ARPC2: variants seen among roughly 807,000 people sequenced by gnomAD.
ARPC2 encodes the protein actin-related protein 2/3 complex subunit 2.
A neutral mutation model predicts 38.6 loss-of-function variants in ARPC2; 4 were observed. That is an observed-to-expected ratio of 0.10 (90% CI 0.05 to 0.24). ARPC2 has a LOEUF of 0.24. ARPC2 is among the 10% of genes least tolerant of loss of function. The pLI, the probability that ARPC2 is intolerant of heterozygous loss-of-function variation, is 1.00. For missense variants in ARPC2, 229 were observed against 387.3 expected, an observed-to-expected ratio of 0.59 and a Z score of 3.43; for synonymous variants, 125 against 140.8, an observed-to-expected ratio of 0.89 and a Z score of 0.79.
chr2:218,240,937 T>G (rs942505867), intron 7 of ARPC2, among the ~76,000 whole-genome samples: 7 of 152,038 alleles, frequency 4.6e-5, no homozygotes, highest in African/African-American at 1.7e-4. Context: ...ATTTTGTAAT[T>G]GGATTTTTGG....
chr2:218,230,095 T>G (rs1035901450), intron 4 of ARPC2, among the ~76,000 whole-genome samples: 4 of 151,738 alleles, frequency 2.6e-5, no homozygotes, highest in African/African-American at 4.8e-5. Flanking sequence ...CTCAGCCTCC[T>G]GAGTAGCTGG....
At chr2:218,218,106 C>T (rs1689298521) in intron 2 of ARPC2, among the ~76,000 whole-genome samples, 1 of 152,194 alleles carries the variant, frequency 6.6e-6, no homozygotes, top group South Asian at 2.1e-4. Context: ...TCTCTGGTTT[C>T]CCTTCCCCGA....
intron 5 of ARPC2, among the ~76,000 whole-genome samples, chr2:218,237,387 C>T (rs1272295490): frequency 2.0e-5 from 3 of 151,668 alleles, no homozygotes; most frequent in Non-Finnish European, 4.4e-5. Flanking sequence ...TTATTAGAGA[C>T]GGGGTTTTGC....
chr2:218,240,750 G>A (rs571867950), intron 7 of ARPC2, among the ~76,000 whole-genome samples: 6 of 152,086 alleles, frequency 3.9e-5, no homozygotes, highest in Non-Finnish European at 7.4e-5. Flanking sequence ...AAAATTAGCC[G>A]GGTGTGGTGG....
At chr2:218,235,157 T>C (rs1574584302) in intron 5 of ARPC2, 2 of 275,310 alleles carry the variant, frequency 7.3e-6, no homozygotes, top group East Asian at 1.1e-4. Flanking sequence ...CAGCAGTTAC[T>C]TGTGCTAGCT....
At chr2:218,229,266 A>T (rs1689576421) in intron 4 of ARPC2, 1 of 153,180 alleles carries the variant, frequency 6.5e-6, no homozygotes, top group African/African-American at 2.4e-5. Flanking sequence ...TTTTAATTAA[A>T]GCTCTTTAAA....
At chr2:218,253,561 C>G (rs979235561) in intron 10 of ARPC2, among the ~76,000 whole-genome samples, 1 of 152,174 alleles carries the variant, frequency 6.6e-6, no homozygotes, top group Non-Finnish European at 1.5e-5. Context: ...CGGTTTGAGC[C>G]TAGTCGGAAA....
chr2:218,224,761 G>A (rs1689459020), intron 2 of ARPC2, among the ~76,000 whole-genome samples: 1 of 152,184 alleles, frequency 6.6e-6, no homozygotes, highest in Admixed American at 6.5e-5. Flanking sequence ...TTTTTCAGCA[G>A]GGCTAGCATG....
intron 7 of ARPC2, among the ~76,000 whole-genome samples, chr2:218,240,060 T>C (rs543512006): frequency 1.6e-4 from 25 of 151,892 alleles, no homozygotes; most frequent in Non-Finnish European, 3.2e-4. Flanking sequence ...GTTCAAGCAA[T>C]TTTCCTGCCT....
chr2:218,217,264 G>GTGGC lies in ARPC2; in HGVS notation c.-9+13_-9+14insCTGG, dbSNP rs1689267639. On this transcript the variant is annotated intron_variant, in intron 1 of 10. Transcript: ENST00000315717. ...AGGCTTCGGGGGCCAGGTCGGTTGG[G>GTGGC]TGGGTGGGTGTCTCCACAGTCTGCG... The GTGGC allele has an allele frequency of 5.5e-6, 3 of 549,188 alleles. No homozygotes were observed. Among genetic ancestry groups the GTGGC allele is most frequent in the Non-Finnish European group, 9.6e-6 (3 of 311,462 alleles). The allele number at this position is 549,188 out of a possible 1,614,324, so 34.0% of individuals were successfully genotyped here.
intron 7 of ARPC2, among the ~76,000 whole-genome samples, chr2:218,241,588 TA>T (rs1422222430): frequency 3.9e-5 from 6 of 152,254 alleles, no homozygotes; most frequent in Non-Finnish European, 7.3e-5. Flanking sequence ...TTACCAATCT[TA>T]TTCCATTTTA....
chr2:218,241,015 T>C (rs1689900559), intron 7 of ARPC2, among the ~76,000 whole-genome samples: 1 of 152,204 alleles, frequency 6.6e-6, no homozygotes, highest in African/African-American at 2.4e-5. Flanking sequence ...AGGATGGACA[T>C]GAGAGTTCAT....
At chr2:218,237,671 A>G (rs752887388) in intron 5 of ARPC2, among the ~76,000 whole-genome samples, 8 of 151,826 alleles carry the variant, frequency 5.3e-5, no homozygotes, top group Non-Finnish European at 1.0e-4. Flanking sequence ...GGTTCAAGCA[A>G]TTCTCCTGCC....
chr2:218,235,121 AGAAG>A, intron 5 of ARPC2: 1 of 302,728 alleles, frequency 3.3e-6, no homozygotes, highest in Non-Finnish European at 6.5e-6. Context: ...AAGTCTTCTA[AGAAG>A]GAAGTTCTCT....
At chr2:218,237,047 G>A (rs1431878394) in intron 5 of ARPC2, among the ~76,000 whole-genome samples, 1 of 152,132 alleles carries the variant, frequency 6.6e-6, no homozygotes, top group Non-Finnish European at 1.5e-5. Flanking sequence ...TAGTGGACAT[G>A]CTGTAAAAAG....
intron 7 of ARPC2, among the ~76,000 whole-genome samples, chr2:218,244,319 T>A (rs1190563872): frequency 6.6e-6 from 1 of 152,210 alleles, no homozygotes; most frequent in Non-Finnish European, 1.5e-5. Context: ...CATCTTTCTT[T>A]TGCCACTAAT....
At chr2:218,228,676 C>A in intron 3 of ARPC2, 62 bp from the exon 4 acceptor site, 4 of 1,037,344 alleles carry the variant, frequency 3.9e-6, no homozygotes, top group Non-Finnish European at 6.0e-6. Context: ...GCAAGGTAGG[C>A]GCTTGGAGAG....
At chr2:218,226,983 A>G in intron 3 of ARPC2, 1 of 456,564 alleles carries the variant, frequency 2.2e-6, no homozygotes, top group Non-Finnish European at 4.4e-6. Context: ...TGTTGGTACT[A>G]TTTACTTGTT....
At chr2:218,228,929 G>GAAT in intron 4 of ARPC2, 79 bp downstream of exon 4, 1 of 941,506 alleles carries the variant, frequency 1.1e-6, no homozygotes, top group Non-Finnish European at 1.7e-6. Context: ...GAAGATCCAT[G>GAAT]GCACTAAATC....
Sources: allele counts gnomAD v4.1 joint callset (sites outside exome capture counted in the v4.1 genomes callset), GRCh38; gene constraint gnomAD v4.1.1; transcripts MANE v1.5; gene names NCBI Gene and HGNC (gene_info 2026-07-23, HGNC 2026-07-21).